Variants in ANKRD17 observed in about 807,000 individuals in gnomAD.
The protein encoded by ANKRD17 is ankyrin repeat domain-containing protein 17.
Under a neutral mutation model 229.7 loss-of-function variants are expected in ANKRD17, and 19 were observed. That is an observed-to-expected ratio of 0.08 (90% CI 0.06 to 0.12). The LOEUF (loss-of-function observed/expected upper bound fraction) is 0.12. ANKRD17 is among the 10% of genes least tolerant of loss of function. ANKRD17 has a pLI of 1.00. For synonymous variants in ANKRD17, 1,112 were observed against 1,146.1 expected (o/e 0.97, Z 0.60); for missense variants, 2,176 against 3,176.8 (o/e 0.68, Z 7.57).
intron 24 of ANKRD17, chr4:73,113,328 C>G (rs1212187139): frequency 1.6e-6 from 2 of 1,289,334 alleles, no homozygotes; most frequent in Admixed American, 4.6e-5. Flanking sequence ...GAGAAAAGTA[C>G]AAGAGAAGTC....
intron 3 of ANKRD17, among the ~76,000 whole-genome samples, chr4:73,159,456 G>A (rs1422583838): frequency 6.6e-6 from 1 of 152,168 alleles, no homozygotes; most frequent in Non-Finnish European, 1.5e-5. Context: ...TGTGGGCGAA[G>A]GGCATATTAA....
chr4:73,156,709 T>C lies in ANKRD17; in HGVS notation c.705-543A>G, dbSNP rs1578215860. Among the ~76,000 whole-genome samples the C allele has an allele frequency of 2.0e-5, 3 of 152,252 alleles. No homozygotes were observed. The East Asian group carries it at 5.8e-4, about 29-fold the overall frequency. On this transcript the variant is annotated intron_variant, in intron 3 of 33. Coordinates refer to ENST00000358602, the MANE Select transcript of ANKRD17 (RefSeq NM_032217.5). ...TCTCCTGCTGTGCCATGGTAAGACA[T>C]GCTTGCTTCCCCTTTGCCTTCCACC...
chr4:73,139,655 C>A lies in ANKRD17; in HGVS notation c.2961G>T (p.Gln987His). ...CCAACTGTGCTTGGCCCAGTACTGGCTGTCCAACTATCACTCCTTGCAGTT... is the reference window on the plus strand; with the variant it reads ...CCAACTGTGCTTGGCCCAGTACTGGATGTCCAACTATCACTCCTTGCAGTT... ...LTELQGVIVG[Q>H]PVLGQAQLAG... The change falls in exon 15 of 34, where the codon CAG (glutamine) becomes CAT (histidine). Residue 987 changes from glutamine to histidine, a missense_variant. Physicochemically the swap from Gln to His is conservative, Grantham distance 24. Coordinates refer to ENST00000358602, the MANE Select transcript of ANKRD17 (RefSeq NM_032217.5). 3 of 1,614,142 alleles carry A rather than the reference C, an allele frequency of 1.9e-6. No homozygotes were observed. Among genetic ancestry groups the A allele is most frequent in the Non-Finnish European group, 2.5e-6 (3 of 1,180,020 alleles).
At chr4:73,153,738 A>G (rs1731298247) in intron 6 of ANKRD17, 142 bp downstream of exon 6, 4 of 520,540 alleles carry the variant, frequency 7.7e-6, no homozygotes, top group Non-Finnish European at 9.3e-6. Context: ...ACAAACTGCA[A>G]CACTGCAAAC....
chr4:73,135,015 G>A (rs1264161634), intron 16 of ANKRD17, 102 bp downstream of exon 16: 10 of 1,194,340 alleles, frequency 8.4e-6, no homozygotes. Context: ...ACTTTGCCTA[G>A]AGACAAAGCA....
intron 6 of ANKRD17, among the ~76,000 whole-genome samples, chr4:73,153,493 T>A (rs1435041258): frequency 6.6e-6 from 1 of 152,184 alleles, no homozygotes. Flanking sequence ...TCTAGGCAAT[T>A]GTCCGGTCTG....
At chr4:73,128,860 T>C (rs1727815351) in intron 16 of ANKRD17, among the ~76,000 whole-genome samples, 1 of 152,050 alleles carries the variant, frequency 6.6e-6, no homozygotes, top group Non-Finnish European at 1.5e-5. Flanking sequence ...TCTGAATACA[T>C]CAATAAACAA....
intron 2 of ANKRD17, among the ~76,000 whole-genome samples, chr4:73,163,349 G>T (rs1409604087): frequency 2.6e-5 from 4 of 152,108 alleles, no homozygotes; most frequent in Non-Finnish European, 5.9e-5. Context: ...CCAACATGTG[G>T]TCCACTGAAT....
intron 1 of ANKRD17, among the ~76,000 whole-genome samples, chr4:73,183,187 T>C (rs575372936): frequency 1.3e-5 from 2 of 152,160 alleles, no homozygotes; most frequent in Admixed American, 6.5e-5. Context: ...AGCAAAATAA[T>C]AGGTCTTACT....
In ANKRD17 at chr4:73,121,504, C is replaced by T. The variant is rs186060222; in HGVS notation, c.3635+113G>A. 1.2e-5 allele frequency: 16 copies of T among 1,323,926 alleles called. No individual in the cohort carries two copies. The Admixed American group carries it at 1.3e-4, about 11-fold the overall frequency. 82.0% of individuals were successfully genotyped at this position (1,323,926 alleles called of 1,614,324 possible). ...TCAAAAATCTCTAACACTTTGAATG[C>T]CAAATTTGTAATAAAGGGATTTACT... On this transcript the variant is annotated intron_variant, in intron 19 of 33. Coordinates refer to ENST00000358602, the MANE Select transcript of ANKRD17 (RefSeq NM_032217.5).
intron 1 of ANKRD17, among the ~76,000 whole-genome samples, chr4:73,249,864 T>A (rs904274498): frequency 4.6e-5 from 7 of 151,922 alleles, no homozygotes; most frequent in Non-Finnish European, 7.4e-5. Context: ...TCAAAAAAAA[T>A]AAAATAAAAT....
In ANKRD17 at chr4:73,078,647, T is replaced by C. The variant is rs138897562; in HGVS notation, c.7403A>G (p.Asn2468Ser). Residue 2468 changes from asparagine to serine, a missense_variant, in exon 31 of 34, where the codon AAT (asparagine) becomes AGT (serine). Around this residue, in one of 18 missense-constraint regions of ANKRD17, gnomAD observed 159 missense variants for 214.3 expected, o/e 0.74. Transcript: ENST00000358602. Reference sequence around the variant, plus strand: ...AGCAGGACAGAATATCCTACCTTGATTGCCACCAATCCCTTCAAAGGACCA... The same window carrying C: ...AGCAGGACAGAATATCCTACCTTGACTGCCACCAATCCCTTCAAAGGACCA... The part of the protein sequence containing the change: ...GIWSFEGIGG[N>S]QDKVDWCNPG... 1.1e-5 allele frequency: 18 copies of C among 1,613,806 alleles called. No homozygotes were observed. The highest frequency in any genetic ancestry group is 4.5e-5 in the East Asian group (2 of 44,878).
At chr4:73,094,456 C>T (rs1242561824) in intron 27 of ANKRD17, among the ~76,000 whole-genome samples, 7 of 152,062 alleles carry the variant, frequency 4.6e-5, no homozygotes, top group Admixed American at 3.3e-4. Flanking sequence ...AGATTGTTTG[C>T]TTTGTTGATT....
chr4:73,187,169 T>G (rs1391162319), intron 1 of ANKRD17, among the ~76,000 whole-genome samples: 1 of 152,162 alleles, frequency 6.6e-6, no homozygotes, highest in Non-Finnish European at 1.5e-5. Context: ...ATGAACAGTT[T>G]GAAAGTAAAA....
At chr4:73,233,286 C>T (rs1034666744) in intron 1 of ANKRD17, among the ~76,000 whole-genome samples, 6 of 151,968 alleles carry the variant, frequency 3.9e-5, no homozygotes, top group African/African-American at 1.4e-4. Flanking sequence ...CTGACCCCTT[C>T]GTTTGTTGCC....
At chr4:73,243,599 A>C (rs1222715354) in intron 1 of ANKRD17, among the ~76,000 whole-genome samples, 2 of 152,218 alleles carry the variant, frequency 1.3e-5, no homozygotes, top group Non-Finnish European at 2.9e-5. Flanking sequence ...AGGAACCAGG[A>C]ATGACTTTCA....
In ANKRD17 at chr4:73,151,487, G is replaced by A. The variant is rs573926381; in HGVS notation, c.1272C>T (p.Gly424=). 3.1e-5 allele frequency: 50 copies of A among 1,608,902 alleles called. No individual in the cohort carries two copies. Among genetic ancestry groups the A allele is most frequent in the South Asian group, 1.0e-4 (9 of 89,722 alleles). ...LEMVRFLLEA[G]ADQEHKTDEM... ...CATCTGTTTTATGCTCTTGATCCGC[G>A]CCTGCTTCCAAAAGAAATCGCACCA... Residue 424 remains glycine (G), a synonymous_variant, in exon 7 of 34, where the codon GGC becomes GGT. Coordinates refer to ENST00000358602, the MANE Select transcript of ANKRD17 (RefSeq NM_032217.5).
chr4:73,198,266 T>C (rs760668610), intron 1 of ANKRD17, among the ~76,000 whole-genome samples: 7 of 152,202 alleles, frequency 4.6e-5, no homozygotes, highest in Non-Finnish European at 8.8e-5. Context: ...ATAATCATCA[T>C]TTAATTGGCA....
intron 1 of ANKRD17, among the ~76,000 whole-genome samples, chr4:73,238,627 C>G (rs1223236959): frequency 6.6e-5 from 10 of 150,834 alleles, no homozygotes; most frequent in African/African-American, 9.9e-5. Flanking sequence ...TCTGGTTATC[C>G]TACTTGGGGA....
Sources: allele counts gnomAD v4.1 joint callset (sites outside exome capture counted in the v4.1 genomes callset), GRCh38; gene constraint gnomAD v4.1.1; regional missense constraint gnomAD v4.1.1; transcripts MANE v1.5; gene names NCBI Gene and HGNC (gene_info 2026-07-23, HGNC 2026-07-21).